ADAM8: variants seen among roughly 807,000 people sequenced by gnomAD.
ADAM8 encodes ADAM metallopeptidase domain 8.
Under a neutral mutation model 102.4 loss-of-function variants are expected in ADAM8, and 104 were observed. The ratio of observed to expected loss-of-function variants is 1.02; its 90% CI spans 0.87 to 1.20. ADAM8 has a LOEUF of 1.20. Among genes scored for constraint, ADAM8 ranks in the 50% most tolerant of loss-of-function variants. The pLI is 0.00. For synonymous variants in ADAM8, 517 were observed against 485.2 expected, an observed-to-expected ratio of 1.07 and a Z score of -0.86; for missense variants, 1,132 against 1,159.0, an observed-to-expected ratio of 0.98 and a Z score of 0.34.
rs762796698 is a variant in ADAM8 at position 133,263,033 on chromosome 10, A to C, written c.*123T>G. 11 of 1,174,536 alleles carry C rather than the reference A, an allele frequency of 9.4e-6. No homozygotes were observed. Among genetic ancestry groups the C allele is most frequent in the Non-Finnish European group, 1.4e-5 (11 of 781,656 alleles). The allele number at this position is 1,174,536 out of a possible 1,614,324, so 72.8% of individuals were successfully genotyped here. A position where few individuals can be genotyped will look rare whatever the true frequency, so the allele number is the denominator to read the frequency against. On this transcript the variant is annotated 3_prime_UTR_variant, in exon 23 of 23. Transcript: ENST00000445355. ...GTAGATGCATTCCTGAGGTTAGAAC[A>C]GCAGCTGAGCCTGCAAAGTCAGGGT... is the stretch of plus-strand genomic sequence containing the variant.
At chr10:133,265,384 C>G (rs995153485) in intron 21 of ADAM8, among the ~76,000 whole-genome samples, 3 of 152,236 alleles carry the variant, frequency 2.0e-5, no homozygotes, top group Non-Finnish European at 4.4e-5. Context: ...CTCTCTGCCC[C>G]CTTCAGGCCC....
intron 21 of ADAM8, among the ~76,000 whole-genome samples, chr10:133,266,743 G>A (rs1013752615): frequency 1.3e-5 from 2 of 152,172 alleles, no homozygotes; most frequent in Non-Finnish European, 2.9e-5. Context: ...GGAGCTCAAG[G>A]GTCCTTCTCC....
chr10:133,273,761 C>T lies in ADAM8; in HGVS notation c.383+1G>A, dbSNP rs1846637506. On this transcript the variant is annotated splice_donor_variant, in intron 5 of 22. Transcript: ENST00000445355. LOFTEE classifies it high-confidence loss of function. Reference sequence around the variant, plus strand: ...CCCTGGCGTTCGTCCGCCACACCCACCTGAGGCCGGCACAGGTGCTGAGGC... The same window carrying T: ...CCCTGGCGTTCGTCCGCCACACCCATCTGAGGCCGGCACAGGTGCTGAGGC... 2 of 1,548,422 alleles carry T rather than the reference C, an allele frequency of 1.3e-6. No homozygotes were observed. Among genetic ancestry groups the T allele is most frequent in the Non-Finnish European group, 1.7e-6 (2 of 1,146,798 alleles).
chr10:133,271,088 A>G lies in ADAM8; in HGVS notation c.1375-18T>C. ...GGCTTCACCTGGCCCAGCAGAGAAC[A>G]GCTCACCATGGGGACAGGTCCACGC... On this transcript the variant is annotated intron_variant, in intron 13 of 22. Coordinates refer to ENST00000445355, the MANE Select transcript of ADAM8 (RefSeq NM_001109.5). 1 of 1,606,192 alleles carries G rather than the reference A, an allele frequency of 6.2e-7. No individual in the cohort carries two copies.
In ADAM8 at chr10:133,262,896, C is replaced by T; in HGVS notation, c.*260G>A. 1.6e-6 allele frequency: 1 copy of T among 608,514 alleles called. No homozygotes were observed. The allele number at this position is 608,514 out of a possible 1,614,324, so 37.7% of individuals were successfully genotyped here. ...CTGGAGACACGTACACACACACGCA[C>T]CCGCAAGCACACAGCTCATCCCAGC... On this transcript the variant is annotated 3_prime_UTR_variant, in exon 23 of 23. Transcript: ENST00000445355.
Position 133,274,428 on chromosome 10 carries a change from G to T in ADAM8, c.151-193C>A, listed in dbSNP as rs868247669. On this transcript the variant is annotated intron_variant, in intron 2 of 22. Coordinates refer to ENST00000445355, the MANE Select transcript of ADAM8 (RefSeq NM_001109.5). ...GGGTGGAGGGTAGGGGGCAGGGGGT[G>T]GGGGGTGGAAGGTGGAGGGTGGAGA... is the stretch of plus-strand genomic sequence containing the variant. Among the ~76,000 whole-genome samples, 185 of 112,306 alleles carry T rather than the reference G, an allele frequency of 1.6e-3. 3 individuals carry two copies. Among genetic ancestry groups the T allele is most frequent in the East Asian group, 5.6e-3 (18 of 3,204 alleles). 73.7% of individuals were successfully genotyped at this position (112,306 alleles called of 152,430 possible).
chr10:133,270,380 T>C lies in ADAM8; in HGVS notation c.1765A>G (p.Thr589Ala). ...CTCACCTTCTCTGGTCCACACCGGGTGCCCTCGGGCACTGGTTCATACGCA... is the reference window on the plus strand; with the variant it reads ...CTCACCTTCTCTGGTCCACACCGGGCGCCCTCGGGCACTGGTTCATACGCA... ...GTAYEPVPEG[T>A]RCGPEKVCWK... is the part of the protein sequence containing the mutation. The change falls in exon 16 of 23, where the codon ACC becomes GCC. Residue 589 changes from threonine to alanine, a missense_variant. Coordinates refer to ENST00000445355, the MANE Select transcript of ADAM8 (RefSeq NM_001109.5). 1 of 1,588,542 alleles carries C rather than the reference T, an allele frequency of 6.3e-7. No homozygotes were observed. The highest frequency in any genetic ancestry group is 8.6e-7 in the Non-Finnish European group (1 of 1,160,656).
chr10:133,275,425 T>C (rs1846715803), intron 2 of ADAM8, 59 bp downstream of exon 2: 1 of 1,330,362 alleles, frequency 7.5e-7, no homozygotes, highest in Non-Finnish European at 1.0e-6. Flanking sequence ...TAAAGCTCCT[T>C]TCACAAAAAT....
chr10:133,271,524 G>T lies in ADAM8; in HGVS notation c.1284+4C>A, dbSNP rs377427435. ...ACGGGAGCAGGTATGGGGCATGGACGCACCTCGGGGGGGCCGCAGTCGCAC... is the reference window on the plus strand; with the variant it reads ...ACGGGAGCAGGTATGGGGCATGGACTCACCTCGGGGGGGCCGCAGTCGCAC... On this transcript the variant is annotated splice_donor_region_variant and intron_variant, in intron 12 of 22. Coordinates refer to ENST00000445355, the MANE Select transcript of ADAM8 (RefSeq NM_001109.5). 77 of 1,551,166 alleles carry T rather than the reference G, an allele frequency of 5.0e-5. No homozygotes were observed. Among genetic ancestry groups the T allele is most frequent in the Non-Finnish European group, 6.2e-5 (71 of 1,147,252 alleles).
intron 18 of ADAM8, chr10:133,269,133 G>A (rs1251321836): frequency 2.0e-6 from 2 of 985,340 alleles, no homozygotes; most frequent in African/African-American, 3.5e-5. Context: ...GGCCGCCGGG[G>A]AGGAAATGCT....
At position 133,270,744 on chromosome 10, in the gene ADAM8, G is replaced by C. The variant is rs564253958; in HGVS notation, c.1626C>G (p.Ser542Arg). 3.5e-5 allele frequency: 56 copies of C among 1,605,304 alleles called. No individual in the cohort carries two copies. Among genetic ancestry groups the C allele is most frequent in the Non-Finnish European group, 4.6e-5 (54 of 1,175,920 alleles). The change falls in exon 15 of 23, where the codon AGC (serine) becomes AGG (arginine). Residue 542 changes from serine (S) to arginine (R), a missense_variant. Coordinates refer to ENST00000445355, the MANE Select transcript of ADAM8 (RefSeq NM_001109.5). ...SYDILPGCKA[S>R]RYRADMCGVL... ...GGGCGGTCTCAGCTCACCTGTACCGGCTGGCCTTGCAGCCTGGTAGGATGT... is the reference window on the plus strand; with the variant it reads ...GGGCGGTCTCAGCTCACCTGTACCGCCTGGCCTTGCAGCCTGGTAGGATGT...
chr10:133,267,544 GC>G, intron 20 of ADAM8, 127 bp from the exon 21 acceptor site: 1 of 949,972 alleles, frequency 1.1e-6, no homozygotes, highest in Non-Finnish European at 1.5e-6. Context: ...GGCCCACAGG[GC>G]CCCACCCCAG....
At chr10:133,266,756 C>A (rs756630856) in intron 21 of ADAM8, among the ~76,000 whole-genome samples, 1 of 152,190 alleles carries the variant, frequency 6.6e-6, no homozygotes, top group Non-Finnish European at 1.5e-5. Context: ...CCTTCTCCAC[C>A]CACTGCCAGA....
intron 10 of ADAM8, 34 bp downstream of exon 10, chr10:133,272,159 T>C (rs547521022): frequency 4.3e-5 from 66 of 1,546,352 alleles, no homozygotes; most frequent in Non-Finnish European, 5.2e-5. Context: ...AGCTCTGGCC[T>C]CGGCCTGGCA....
chr10:133,265,294 ACCACCACGCCCGGCTC>A (rs1846292363), intron 21 of ADAM8, among the ~76,000 whole-genome samples: 3 of 24,440 alleles, frequency 1.2e-4, no homozygotes, highest in Non-Finnish European at 2.0e-4. Flanking sequence ...TGCCCCATCT[ACCACCACGCCCGGCTC>A]CTGCTGCAGC....
In ADAM8 at chr10:133,268,782, C is replaced by G. The variant is rs549585550; in HGVS notation, c.2029G>C (p.Val677Leu). 3 of 1,610,806 alleles carry G rather than the reference C, an allele frequency of 1.9e-6. No individual in the cohort carries two copies. The highest frequency in any genetic ancestry group is 2.5e-6 in the Non-Finnish European group (3 of 1,179,870). Residue 677 changes from valine (V) to leucine (L), a missense_variant, in exon 19 of 23, where the codon GTC (valine) becomes CTC (leucine). Transcript: ENST00000445355. ...ATGCGGCTCCGGGCTTTGCGGTAGA[C>G]GATGATGCCTGCCAGGGTGACCAGC... ...VVLVTLAGIIVYRKARSRILS... is the reference protein window; with the variant it reads ...VVLVTLAGIILYRKARSRILS...
rs977764998 is a variant in ADAM8, at chr10:133,262,581, C to T, written c.*575G>A. The T allele has an allele frequency of 6.5e-6, 1 of 153,562 alleles. No homozygotes were observed. The highest frequency in any genetic ancestry group is 2.4e-5 in the African/African-American group (1 of 41,484). 9.5% of individuals were successfully genotyped at this position (153,562 alleles called of 1,614,324 possible). The stretch of plus-strand genomic sequence containing the variant: ...CATAAAGGCGATTCCTAAGCTTAAA[C>T]ACACACAAAGCTGGGGCTGTCCCTC... On this transcript the variant is annotated 3_prime_UTR_variant, in exon 23 of 23. Transcript: ENST00000445355.
At position 133,273,274 on chromosome 10, in the gene ADAM8, C is replaced by G; in HGVS notation, c.553G>C (p.Val185Leu). The change falls in exon 6 of 23, where the codon GTC becomes CTC. Residue 185 changes from valine to leucine, a missense_variant. By Grantham distance (32) the Val-to-Leu change is conservative. Coordinates refer to ENST00000445355, the MANE Select transcript of ADAM8 (RefSeq NM_001109.5). Reference protein sequence around the residue: ...GSLLGPRTAAVFRPRPGDSLP... With the variant: ...GSLLGPRTAALFRPRPGDSLP... ...CTCACCCCGGGCCGAGGCCTGAAGA[C>G]GGCTGCCGTCCGGGGTCCCAGGAGG... 2 of 1,601,144 alleles carry G rather than the reference C, an allele frequency of 1.2e-6. No individual in the cohort carries two copies. The highest frequency in any genetic ancestry group is 1.7e-6 in the Non-Finnish European group (2 of 1,175,358).
intron 10 of ADAM8, 47 bp from the exon 11 acceptor site, chr10:133,272,001 C>T (rs769951288): frequency 1.0e-5 from 16 of 1,593,200 alleles, no homozygotes; most frequent in South Asian, 3.3e-5. Context: ...CAACTCCCCA[C>T]GCCTGCCACC....
Sources: allele counts gnomAD v4.1 joint callset (sites outside exome capture counted in the v4.1 genomes callset), GRCh38; gene constraint gnomAD v4.1.1; transcripts MANE v1.5; gene names NCBI Gene and HGNC (gene_info 2026-07-23, HGNC 2026-07-21).